Variants in FNIP1 observed in about 807,000 individuals in gnomAD.
FNIP1 encodes folliculin interacting protein 1.
FNIP1 carries 40 observed loss-of-function variants against 124.5 expected under a neutral mutation model. The ratio of observed to expected loss-of-function variants is 0.32; its 90% CI spans 0.25 to 0.42. The LOEUF is 0.42. Ranked by LOEUF, FNIP1 falls within the 10% of genes least tolerant of loss-of-function variation. The pLI is 1.00. For missense variants in FNIP1, 1,176 were observed against 1,403.7 expected, an observed-to-expected ratio of 0.84 and a Z score of 2.59; for synonymous variants, 472 against 470.6, an observed-to-expected ratio of 1.00 and a Z score of -0.04.
chr5:131,689,114 G>C lies in FNIP1; in HGVS notation c.1202+9803C>G, dbSNP rs562055098. 4.0e-5 allele frequency among the ~76,000 whole-genome samples: 6 copies of C among 148,496 alleles called. No individual in the cohort carries two copies. In the South Asian group the frequency reaches 1.3e-3, roughly 32 times the overall value. ...GACAAAAACAACCTTACCTATAGAAGAGTAAGAACTGCATTAGAGTTCTTG... is the reference window on the plus strand; with the variant it reads ...GACAAAAACAACCTTACCTATAGAACAGTAAGAACTGCATTAGAGTTCTTG... On this transcript the variant is annotated intron_variant, in intron 11 of 17. Coordinates refer to ENST00000510461, the MANE Select transcript of FNIP1 (RefSeq NM_133372.3).
At chr5:131,755,792 T>C (rs944771362) in intron 1 of FNIP1, among the ~76,000 whole-genome samples, 1 of 152,020 alleles carries the variant, frequency 6.6e-6, no homozygotes, top group Non-Finnish European at 1.5e-5. Flanking sequence ...GTGGATCACC[T>C]GAGGTCAGGA....
At chr5:131,787,050 G>A (rs1772240821) in intron 1 of FNIP1, among the ~76,000 whole-genome samples, 1 of 152,116 alleles carries the variant, frequency 6.6e-6, no homozygotes, top group Non-Finnish European at 1.5e-5. Flanking sequence ...CCCCTCTTCA[G>A]CCAGCATTTT....
Position 131,672,767 on chromosome 5 carries a change from A to T in FNIP1, c.1677T>A (p.Asp559Glu). 5.0e-6 allele frequency: 8 copies of T among 1,613,514 alleles called. No homozygotes were observed. Among genetic ancestry groups the T allele is most frequent in the Non-Finnish European group, 5.9e-6 (7 of 1,179,880 alleles). Residue 559 changes from aspartate (D) to glutamate (E), a missense_variant, in exon 14 of 18, where the codon GAT becomes GAA. Coordinates refer to ENST00000510461, the MANE Select transcript of FNIP1 (RefSeq NM_133372.3). ...CTGTGCCTGGCATAACGATGGCTTC[A>T]TCTTCTCCATTTTCTAAAAGATGCG... Reference protein sequence around the residue: ...QETHLLENGEDEAIVMPGTVI... With the variant: ...QETHLLENGEEEAIVMPGTVI...
chr5:131,685,494 G>C (rs1033602643), intron 11 of FNIP1, among the ~76,000 whole-genome samples: 3 of 146,322 alleles, frequency 2.1e-5, no homozygotes, highest in African/African-American at 7.5e-5. Flanking sequence ...TGTTGCCCAG[G>C]CTGGAGTGTA....
intron 3 of FNIP1, among the ~76,000 whole-genome samples, chr5:131,729,523 T>A (rs774329754): frequency 6.6e-6 from 1 of 152,244 alleles, no homozygotes; most frequent in African/African-American, 2.4e-5. Flanking sequence ...TGCGCTGATC[T>A]CACTGGGAGC....
chr5:131,787,309 C>T (rs1321549846), intron 1 of FNIP1, among the ~76,000 whole-genome samples: 1 of 152,196 alleles, frequency 6.6e-6, no homozygotes, highest in Non-Finnish European at 1.5e-5. Context: ...CTGCTTCTAG[C>T]ATTACCTAAT....
At chr5:131,766,787 C>CA (rs1285173012) in intron 1 of FNIP1, among the ~76,000 whole-genome samples, 1 of 152,174 alleles carries the variant, frequency 6.6e-6, no homozygotes, top group African/African-American at 2.4e-5. Context: ...TCTTTGAGTT[C>CA]AAAGGCCAGA....
chr5:131,672,873 A>G lies in FNIP1; in HGVS notation c.1571T>C (p.Val524Ala). Reference protein sequence around the residue: ...GSPVRLARTVVVGKRQDMVQR... With the variant: ...GSPVRLARTVAVGKRQDMVQR... ...GACCATGTCTTGTCGTTTGCCAACTACCACAGTCCTTGCTAACCGTACGGG... is the reference window on the plus strand; with the variant it reads ...GACCATGTCTTGTCGTTTGCCAACTGCCACAGTCCTTGCTAACCGTACGGG... Residue 524 changes from valine to alanine, a missense_variant, in exon 14 of 18, where the codon GTA becomes GCA. This residue lies in a region of FNIP1 where 1,109 missense variants were observed against 1,288.5 expected (regional missense o/e 0.86). Transcript: ENST00000510461. 2 of 1,600,112 alleles carry G rather than the reference A, an allele frequency of 1.2e-6. No individual in the cohort carries two copies. Among genetic ancestry groups the G allele is most frequent in the Non-Finnish European group, 8.5e-7 (1 of 1,174,102 alleles).
At position 131,785,101 on chromosome 5, in the gene FNIP1, CTA is replaced by C. The variant is rs527639857; in HGVS notation, c.92+11727_92+11728del. On this transcript the variant is annotated intron_variant, in intron 1 of 17. Coordinates refer to ENST00000510461, the MANE Select transcript of FNIP1 (RefSeq NM_133372.3). ...TGACATATATATATGATATATATGA[CTA>C]TATATATATCATATATATGATATAT... Among the ~76,000 whole-genome samples the C allele has an allele frequency of 7.0e-3, 126 of 17,978 alleles. 2 individuals are homozygous for C. Among genetic ancestry groups the C allele is most frequent in the East Asian group, 0.021 (30 of 1,422 alleles). 11.8% of individuals were successfully genotyped at this position (17,978 alleles called of 152,430 possible).
rs1767047194 is a variant in FNIP1 at position 131,651,795 on chromosome 5, T to C, written c.3306+7A>G. 1.2e-6 allele frequency: 2 copies of C among 1,613,484 alleles called. No homozygotes were observed. Among genetic ancestry groups the C allele is most frequent in the Non-Finnish European group, 1.7e-6 (2 of 1,179,572 alleles). ...AAAGTAATGCAAGCAGTGTTACACA[T>C]ACTTACAAAATTTGGAGACAAGTTA... is the stretch of plus-strand genomic sequence containing the variant. On this transcript the variant is annotated splice_region_variant and intron_variant, in intron 16 of 17. Coordinates refer to ENST00000510461, the MANE Select transcript of FNIP1 (RefSeq NM_133372.3).
chr5:131,678,410 T>TTTTG (rs942997346), intron 12 of FNIP1, among the ~76,000 whole-genome samples: 5 of 152,158 alleles, frequency 3.3e-5, no homozygotes, highest in African/African-American at 9.6e-5. Context: ...TATATGTTTT[T>TTTTG]TTTGTTTGTT....
intron 3 of FNIP1, among the ~76,000 whole-genome samples, chr5:131,726,128 T>TC (rs1197804001): frequency 6.6e-6 from 1 of 152,236 alleles, no homozygotes; most frequent in Non-Finnish European, 1.5e-5. Context: ...CCATTGATGT[T>TC]CATCAGGGAT....
At chr5:131,796,094 TCTA>T (rs1772579940) in intron 1 of FNIP1, 1 of 152,192 alleles carries the variant, frequency 6.6e-6, no homozygotes, top group Non-Finnish European at 1.5e-5. Context: ...TACAAAATGC[TCTA>T]CTAACATTTT....
intron 1 of FNIP1, among the ~76,000 whole-genome samples, chr5:131,780,046 T>A (rs74485388): frequency 0.019 from 2,839 of 151,334 alleles, 52 homozygotes; most frequent in African/African-American, 0.044. Context: ...AGCAAAAAAA[T>A]AATAATAATA....
intron 1 of FNIP1, chr5:131,796,514 C>T (rs1772600532): frequency 2.5e-6 from 1 of 392,608 alleles, no homozygotes. Context: ...GCCAGGAAGG[C>T]GTGTGGACCC....
rs778429628 is a variant in FNIP1, at chr5:131,677,887, C to G, written c.1350-15G>C. On this transcript the variant is annotated splice_polypyrimidine_tract_variant and intron_variant, in intron 12 of 17. Transcript: ENST00000510461. ...CTGGCAAGAATCTGAAAACAAAATA[C>G]ATCTGATCAGATTCCAATCAGTCTT... The G allele has an allele frequency of 8.7e-6, 14 of 1,609,404 alleles. No homozygotes were observed. In the Middle Eastern group the frequency reaches 4.9e-4, roughly 57 times the overall value.
intron 1 of FNIP1, among the ~76,000 whole-genome samples, chr5:131,777,332 C>T (rs937127153): frequency 6.6e-6 from 1 of 151,454 alleles, no homozygotes. Flanking sequence ...TAATGATGAC[C>T]AGTGACAATG....
At chr5:131,757,234 G>C (rs927235703) in intron 1 of FNIP1, among the ~76,000 whole-genome samples, 2 of 152,192 alleles carry the variant, frequency 1.3e-5, no homozygotes, top group African/African-American at 4.8e-5. Context: ...AAAGAGAGGA[G>C]AGTCAGTTAG....
intron 11 of FNIP1, among the ~76,000 whole-genome samples, chr5:131,687,607 C>G (rs1768325027): frequency 6.6e-6 from 1 of 152,236 alleles, no homozygotes; most frequent in Non-Finnish European, 1.5e-5. Flanking sequence ...AGTTACATCA[C>G]CAAACTGCGG....
Sources: allele counts gnomAD v4.1 joint callset (sites outside exome capture counted in the v4.1 genomes callset), GRCh38; gene constraint gnomAD v4.1.1; regional missense constraint gnomAD v4.1.1; transcripts MANE v1.5; gene names NCBI Gene and HGNC (gene_info 2026-07-23, HGNC 2026-07-21).